Variants in SPATA4 observed in about 807,000 individuals in gnomAD.
The protein encoded by SPATA4 is spermatogenesis associated 4.
Under a neutral mutation model 31.8 loss-of-function variants are expected in SPATA4, and 35 were observed. The observed-to-expected ratio is 1.10, with a 90% CI of 0.84 to 1.46. The LOEUF is 1.46. Ranked by LOEUF, SPATA4 falls within the 40% of genes most tolerant of loss-of-function variation. SPATA4 has a pLI of 0.00. For missense variants in SPATA4, 394 were observed against 363.1 expected (o/e 1.09, Z -0.69); for synonymous variants, 126 against 132.4 (o/e 0.95, Z 0.33).
chr4:176,190,004 G>A (rs909672944), intron 4 of SPATA4, among the ~76,000 whole-genome samples: 4 of 152,112 alleles, frequency 2.6e-5, no homozygotes, highest in Admixed American at 6.5e-5. Context: ...AGCAAGCAGC[G>A]GGTACGTGAC....
intron 4 of SPATA4, among the ~76,000 whole-genome samples, chr4:176,191,159 A>G (rs894099795): frequency 1.3e-5 from 2 of 151,276 alleles, no homozygotes; most frequent in Non-Finnish European, 2.9e-5. Context: ...GCAGTGGCAC[A>G]ATCTCGGCTC....
chr4:176,186,180 A>G (rs1752438177), intron 5 of SPATA4, among the ~76,000 whole-genome samples: 1 of 152,224 alleles, frequency 6.6e-6, no homozygotes. Flanking sequence ...AGCAGGCATC[A>G]GTTTTTGTCT....
At chr4:176,193,104 A>C (rs1752559545) in intron 2 of SPATA4, 28 bp from the exon 3 acceptor site, 1 of 1,380,854 alleles carries the variant, frequency 7.2e-7, no homozygotes, top group African/African-American at 1.5e-5. Flanking sequence ...AAATGTTTTT[A>C]TCATAAGAAC....
chr4:176,193,751 C>T (rs1752570278), intron 1 of SPATA4, 169 bp from the exon 2 acceptor site: 1 of 612,930 alleles, frequency 1.6e-6, no homozygotes. Context: ...CTAAGATTAT[C>T]TACGTTTCAA....
At chr4:176,195,137 G>A (rs77634798) in intron 1 of SPATA4, among the ~76,000 whole-genome samples, 562 of 152,290 alleles carry the variant, frequency 3.7e-3, no homozygotes, top group Non-Finnish European at 5.9e-3. Flanking sequence ...ACAATTTAAT[G>A]ATTGGTTGAT....
In SPATA4 at chr4:176,191,244, C is replaced by T. The variant is rs535620247; in HGVS notation, c.688+1383G>A. 9.9e-5 allele frequency among the ~76,000 whole-genome samples: 15 copies of T among 152,070 alleles called. 1 individual carries two copies. Among genetic ancestry groups the T allele is most frequent in the African/African-American group, 2.2e-4 (9 of 41,502 alleles). On this transcript the variant is annotated intron_variant, in intron 4 of 5. Transcript: ENST00000280191. ...CCCAGTAGCTGGGATTACAGGCACA[C>T]GCCACCATGCCCAGCTAATTTTTGT... is the stretch of plus-strand genomic sequence containing the variant.
At chr4:176,190,462 G>A (rs946741952) in intron 4 of SPATA4, among the ~76,000 whole-genome samples, 2 of 152,160 alleles carry the variant, frequency 1.3e-5, no homozygotes, top group Non-Finnish European at 2.9e-5. Context: ...TTTATCTCAT[G>A]GTACAGAAGT....
chr4:176,184,873 G>C lies in SPATA4; in HGVS notation c.825C>G (p.Gly275=). The C allele has an allele frequency of 6.3e-7, 1 of 1,593,912 alleles. No individual in the cohort carries two copies. Among genetic ancestry groups the C allele is most frequent in the South Asian group, 1.1e-5 (1 of 87,986 alleles). ...VPVLPNIGSG[G]SSHREIHVKQ... is the part of the protein sequence containing the mutation. ...TCACATGTATTTCTCTATGTGAACT[G>C]CCACCACTACCTATATTTGCTGGGA... Residue 275 remains glycine (G), a synonymous_variant, in exon 6 of 6, where the codon GGC becomes GGG. Transcript: ENST00000280191.
In SPATA4 at chr4:176,186,531, G is replaced by A. The variant is rs569203048; in HGVS notation, c.805+1588C>T. 3.3e-5 allele frequency among the ~76,000 whole-genome samples: 5 copies of A among 152,284 alleles called. No homozygotes were observed. In the East Asian group the frequency reaches 9.6e-4, roughly 29 times the overall value. On this transcript the variant is annotated intron_variant, in intron 5 of 5. Transcript: ENST00000280191. ...GAGGATATATTCCTAGAATCTAAAG[G>A]TGAAACTATGGATGCATTTTATTCA...
chr4:176,192,592 T>C (rs760316168), intron 4 of SPATA4, 35 bp downstream of exon 4: 1 of 1,561,852 alleles, frequency 6.4e-7, no homozygotes, highest in Non-Finnish European at 8.8e-7. Flanking sequence ...CTGATAGAGC[T>C]TGGAAGAACT....
Position 176,193,547 on chromosome 4 carries a change from A to C in SPATA4, c.254T>G (p.Phe85Cys). Residue 85 changes from phenylalanine (F) to cysteine (C), a missense_variant, in exon 2 of 6, where the codon TTC becomes TGC. Physicochemically the swap from Phe to Cys is radical, Grantham distance 205. Transcript: ENST00000280191. ...FSNGFLIAEI[F>C]CIYYPWELEL... ...AAGTTCCCAGGGGTAATATATACAG[A>C]ATATTTCTGCAATTAGGAAGCCATT... The C allele has an allele frequency of 6.2e-7, 1 of 1,611,592 alleles. No individual in the cohort carries two copies. The highest frequency in any genetic ancestry group is 8.5e-7 in the Non-Finnish European group (1 of 1,179,468).
intron 2 of SPATA4, 151 bp downstream of exon 2, chr4:176,193,302 G>T: frequency 1.0e-6 from 1 of 975,420 alleles, no homozygotes; most frequent in Non-Finnish European, 1.5e-6. Context: ...ATAAACAGTT[G>T]GAATTTAATA....
intron 5 of SPATA4, among the ~76,000 whole-genome samples, chr4:176,186,876 ACT>A (rs1363561300): frequency 6.6e-6 from 1 of 151,908 alleles, no homozygotes; most frequent in Non-Finnish European, 1.5e-5. Context: ...GCTCTCAAAG[ACT>A]CTATGTAAAC....
In SPATA4 at chr4:176,195,406, G is replaced by T; in HGVS notation, c.157C>A (p.Arg53Ser). The T allele has an allele frequency of 1.1e-5, 17 of 1,614,272 alleles. No individual in the cohort carries two copies. Among genetic ancestry groups the T allele is most frequent in the Non-Finnish European group, 1.4e-5 (16 of 1,180,058 alleles). The change falls in exon 1 of 6, where the codon CGT becomes AGT. Residue 53 changes from arginine (R) to serine (S), a missense_variant. Arg to Ser is a moderately radical substitution (Grantham distance 110). Coordinates refer to ENST00000280191, the MANE Select transcript of SPATA4 (RefSeq NM_144644.4). ...CCCTGAAGCCAACGCAGAACGGAAC[G>T]AGACAAGCGGGAGCTCTTCGGCGCA... ...PHAPKSSRLS[R>S]SVLRWLQGLD...
intron 4 of SPATA4, among the ~76,000 whole-genome samples, chr4:176,191,582 A>G (rs1752533748): frequency 1.3e-5 from 2 of 152,216 alleles, no homozygotes; most frequent in African/African-American, 4.8e-5. Context: ...TAAATTGTAC[A>G]TATACATTAT....
At chr4:176,192,897 GT>G in intron 3 of SPATA4, 50 bp from the exon 4 acceptor site, 2 of 1,586,392 alleles carry the variant, frequency 1.3e-6, no homozygotes, top group Non-Finnish European at 1.7e-6. Context: ...TTAGCAATGA[GT>G]TTTATATTAT....
At chr4:176,187,644 C>G (rs1198023453) in intron 5 of SPATA4, among the ~76,000 whole-genome samples, 1 of 152,166 alleles carries the variant, frequency 6.6e-6, no homozygotes, top group Admixed American at 6.5e-5. Context: ...AACTTGTGAA[C>G]TATACAAAAA....
chr4:176,186,810 G>T (rs750187129), intron 5 of SPATA4, among the ~76,000 whole-genome samples: 6 of 151,470 alleles, frequency 4.0e-5, no homozygotes, highest in South Asian at 2.1e-4. Flanking sequence ...GCATATTAAA[G>T]GTTCTGAGAA....
chr4:176,186,008 CTTATACA>C (rs1752436052), intron 5 of SPATA4, among the ~76,000 whole-genome samples: 1 of 152,104 alleles, frequency 6.6e-6, no homozygotes, highest in African/African-American at 2.4e-5. Context: ...TTTATGGCCA[CTTATACA>C]TTATTAAAAT....
Sources: gnomAD v4.1 joint callset for allele counts (sites outside exome capture counted in the v4.1 genomes callset) on GRCh38, gnomAD v4.1.1 for gene constraint, MANE v1.5 for transcripts, NCBI Gene and HGNC (gene_info 2026-07-23, HGNC 2026-07-21) for gene names.